Variants in LYPLA1 observed in about 807,000 individuals in gnomAD.
LYPLA1 encodes lysophospholipase 1, also known as acyl-protein thioesterase 1.
A neutral mutation model predicts 34.0 loss-of-function variants in LYPLA1; 17 were observed. The observed-to-expected ratio is 0.50, with a 90% confidence interval of 0.34 to 0.75. The LOEUF (loss-of-function observed/expected upper bound fraction) is 0.75. Among genes scored for constraint, LYPLA1 ranks in the 30% least tolerant of loss-of-function variants. LYPLA1 has a pLI of 0.01. For missense variants in LYPLA1, 203 were observed against 288.8 expected (o/e 0.70, Z 2.15); for synonymous variants, 98 against 100.8 (o/e 0.97, Z 0.17).
At chr8:54,080,705 A>C (rs1248334290) in intron 2 of LYPLA1, among the ~76,000 whole-genome samples, 1 of 152,172 alleles carries the variant, frequency 6.6e-6, no homozygotes, top group Non-Finnish European at 1.5e-5. Context: ...CTCCTGCCTC[A>C]GCCTCTCGAG....
At chr8:54,063,402 A>G in intron 3 of LYPLA1, 27 bp from the exon 4 acceptor site, 1 of 1,442,994 alleles carries the variant, frequency 6.9e-7, no homozygotes, top group Non-Finnish European at 9.4e-7. Flanking sequence ...AAACAACAAA[A>G]TCAGAATAAC....
chr8:54,075,397 G>C (rs938901327), intron 2 of LYPLA1, among the ~76,000 whole-genome samples: 1 of 152,230 alleles, frequency 6.6e-6, no homozygotes, highest in South Asian at 2.1e-4. Flanking sequence ...AGATGAGCCA[G>C]ATGCCGAGTA....
chr8:54,072,622 TAAAAAA>T (rs35445815), intron 2 of LYPLA1, among the ~76,000 whole-genome samples: 2 of 144,446 alleles, frequency 1.4e-5, no homozygotes, highest in African/African-American at 5.1e-5. Flanking sequence ...ACTTTACTGT[TAAAAAA>T]AAAAAAATCA....
intron 5 of LYPLA1, among the ~76,000 whole-genome samples, chr8:54,057,987 T>A (rs1215515224): frequency 1.3e-5 from 2 of 152,196 alleles, no homozygotes; most frequent in African/African-American, 2.4e-5. Context: ...AAAACTTCAA[T>A]AATTTCCCAT....
At chr8:54,058,746 TTTTG>T (rs1334271686) in intron 5 of LYPLA1, among the ~76,000 whole-genome samples, 3 of 151,504 alleles carry the variant, frequency 2.0e-5, no homozygotes, top group Non-Finnish European at 2.9e-5. Context: ...GCCCAGCTAA[TTTTG>T]TTTTTTTTTT....
At chr8:54,097,537 T>C (rs1460657082) in intron 2 of LYPLA1, among the ~76,000 whole-genome samples, 1 of 152,232 alleles carries the variant, frequency 6.6e-6, no homozygotes, top group Non-Finnish European at 1.5e-5. Context: ...GAATGCATAA[T>C]ATATTAGATA....
At chr8:54,057,155 G>A (rs1806263795) in intron 5 of LYPLA1, among the ~76,000 whole-genome samples, 1 of 152,136 alleles carries the variant, frequency 6.6e-6, no homozygotes, top group Admixed American at 6.6e-5. Context: ...CACTGTTGGT[G>A]GGAATGTAAA....
intron 2 of LYPLA1, among the ~76,000 whole-genome samples, chr8:54,098,888 A>G (rs1809892641): frequency 6.6e-6 from 1 of 152,086 alleles, no homozygotes; most frequent in Non-Finnish European, 1.5e-5. Flanking sequence ...AAGTTTCATC[A>G]TGCACTCATG....
intron 2 of LYPLA1, among the ~76,000 whole-genome samples, chr8:54,091,262 CG>C (rs1027388007): frequency 1.3e-5 from 2 of 151,254 alleles, no homozygotes; most frequent in Admixed American, 6.6e-5. Context: ...CCGAGGTGGG[CG>C]GATCACCTGA....
intron 2 of LYPLA1, among the ~76,000 whole-genome samples, chr8:54,099,652 C>A (rs1316195942): frequency 1.3e-5 from 2 of 152,108 alleles, no homozygotes; most frequent in Non-Finnish European, 2.9e-5. Context: ...ACACAGCAGA[C>A]CCTGTCTCCA....
chr8:54,086,904 T>C (rs1808834121), intron 2 of LYPLA1, among the ~76,000 whole-genome samples: 1 of 152,056 alleles, frequency 6.6e-6, no homozygotes, highest in Non-Finnish European at 1.5e-5. Flanking sequence ...TCCTAAAAAC[T>C]ACCAAACCAA....
intron 2 of LYPLA1, among the ~76,000 whole-genome samples, chr8:54,092,323 G>A (rs1196778186): frequency 6.6e-6 from 1 of 151,660 alleles, no homozygotes; most frequent in Non-Finnish European, 1.5e-5. Flanking sequence ...GGAGGAGAAG[G>A]AGGAGACAGA....
intron 5 of LYPLA1, among the ~76,000 whole-genome samples, chr8:54,059,835 T>G (rs762539200): frequency 5.9e-5 from 9 of 152,292 alleles, no homozygotes; most frequent in Non-Finnish European, 1.3e-4. Flanking sequence ...GCGGGAGAGT[T>G]GCTGGAGACC....
intron 2 of LYPLA1, among the ~76,000 whole-genome samples, chr8:54,074,641 C>T (rs1016333676): frequency 6.6e-6 from 1 of 152,198 alleles, no homozygotes; most frequent in Non-Finnish European, 1.5e-5. Flanking sequence ...TGGTCTCAAA[C>T]GCAGATACAG....
chr8:54,100,560 T>C, intron 2 of LYPLA1: 1 of 276,140 alleles, frequency 3.6e-6, no homozygotes, highest in Non-Finnish European at 6.8e-6. Flanking sequence ...AACTAGTTCT[T>C]CTCTTCAATC....
At chr8:54,067,243 C>G (rs1280115438) in intron 2 of LYPLA1, among the ~76,000 whole-genome samples, 1 of 152,072 alleles carries the variant, frequency 6.6e-6, no homozygotes, top group African/African-American at 2.4e-5. Flanking sequence ...TGTCTATAAT[C>G]CCAGCACTTT....
chr8:54,051,605 G>A (rs1182075584), intron 7 of LYPLA1, among the ~76,000 whole-genome samples: 1 of 151,562 alleles, frequency 6.6e-6, no homozygotes, highest in African/African-American at 2.4e-5. Context: ...GTGCCACCAC[G>A]CCCAGCTAAT....
chr8:54,096,147 C>G (rs184235895), intron 2 of LYPLA1, among the ~76,000 whole-genome samples: 232 of 152,252 alleles, frequency 1.5e-3, no homozygotes, highest in African/African-American at 4.3e-3. Flanking sequence ...GCAACTTATT[C>G]TTTAATAGTT....
intron 5 of LYPLA1, among the ~76,000 whole-genome samples, chr8:54,059,303 T>TAAAGACCTTAAAGAG (rs1407446884): frequency 8.4e-5 from 10 of 118,908 alleles, no homozygotes; most frequent in Admixed American, 2.4e-4. Context: ...TTCCCTGTTT[T>TAAAGACCTTAAAGAG]TTTTTTTTTT....
Sources: allele counts gnomAD v4.1 joint callset (sites outside exome capture counted in the v4.1 genomes callset), GRCh38; gene constraint gnomAD v4.1.1; transcripts MANE v1.5; gene names NCBI Gene and HGNC (gene_info 2026-07-23, HGNC 2026-07-21).